REM1: variants seen among roughly 807,000 people sequenced by gnomAD.
The protein encoded by REM1 is RRAD and GEM like GTPase 1.
A neutral mutation model predicts 27.0 loss-of-function variants in REM1; 20 were observed. The observed-to-expected ratio is 0.74, with a 90% CI of 0.52 to 1.08. The LOEUF is 1.08. REM1 is among the 50% of genes least tolerant of loss of function. The pLI is 0.00. For missense variants in REM1, 405 were observed against 407.0 expected (o/e 1.00, Z 0.04); for synonymous variants, 159 against 167.9 (o/e 0.95, Z 0.41).
rs773521210 is a variant in REM1, at chr20:31,484,212, A to G, written c.679A>G (p.Thr227Ala). Residue 227 changes from threonine to alanine, a missense_variant, in exon 5 of 5, where the codon ACG becomes GCG. Physicochemically the swap from Thr to Ala is moderately conservative, Grantham distance 58 (BLOSUM62 0). Transcript: ENST00000201979. ...CTGTAAATTCATCGAGACATCCGCC[A>G]CGCTGCAGCACAATGTGGCCGAGCT... ...FDCKFIETSA[T>A]LQHNVAELFE... The G allele has an allele frequency of 5.0e-6, 8 of 1,608,382 alleles. No individual in the cohort carries two copies. The highest frequency in any genetic ancestry group is 6.8e-6 in the Non-Finnish European group (8 of 1,177,856).
intron 4 of REM1, among the ~76,000 whole-genome samples, chr20:31,483,528 A>C (rs944103253): frequency 1.3e-5 from 2 of 152,306 alleles, no homozygotes; most frequent in African/African-American, 4.8e-5. Flanking sequence ...ACAAACCAAA[A>C]TTTTAAACGT....
intron 4 of REM1, 82 bp from the exon 5 acceptor site, chr20:31,484,077 G>T: frequency 7.1e-7 from 1 of 1,410,424 alleles, no homozygotes; most frequent in South Asian, 1.5e-5. Context: ...GCTTCCAATC[G>T]AGACTAAACA....
chr20:31,476,721 G>C lies in REM1; in HGVS notation c.276G>C (p.Gly92=), dbSNP rs768343178. The C allele has an allele frequency of 5.6e-6, 9 of 1,614,036 alleles. No homozygotes were observed. The East Asian group carries it at 2.0e-4, about 36-fold the overall frequency. ...TGCTACTTGGAGATCCTGGAGTGGGGAAGACCAGCTTGGCCAGCCTCTTTG... is the reference window on the plus strand; with the variant it reads ...TGCTACTTGGAGATCCTGGAGTGGGCAAGACCAGCTTGGCCAGCCTCTTTG... ...RVVLLGDPGV[G]KTSLASLFAG... The change falls in exon 2 of 5, where the codon GGG becomes GGC. Residue 92 remains glycine, a synonymous_variant. Coordinates refer to ENST00000201979, the MANE Select transcript of REM1 (RefSeq NM_014012.6).
intron 3 of REM1, among the ~76,000 whole-genome samples, chr20:31,480,840 T>C (rs1391961183): frequency 6.6e-6 from 1 of 152,212 alleles, no homozygotes; most frequent in Non-Finnish European, 1.5e-5. Flanking sequence ...CCCACATCTG[T>C]CTGACTCACC....
In REM1 at chr20:31,484,309, G is replaced by A. The variant is rs752804472; in HGVS notation, c.776G>A (p.Arg259Gln). 9 of 1,578,824 alleles carry A rather than the reference G, an allele frequency of 5.7e-6. No individual in the cohort carries two copies. In the South Asian group the frequency reaches 1.0e-4, roughly 18 times the overall value. The part of the protein sequence containing the change: ...DSAAKEPPAP[R>Q]RPASLAQRAR... ...GCGGCCAAGGAACCCCCAGCACCCC[G>A]ACGGCCGGCCAGCCTAGCCCAGCGC... is the stretch of plus-strand genomic sequence containing the variant. Residue 259 changes from arginine (R) to glutamine (Q), a missense_variant, in exon 5 of 5, where the codon CGA becomes CAA. Physicochemically the swap from Arg to Gln is conservative, Grantham distance 43 (BLOSUM62 1). Coordinates refer to ENST00000201979, the MANE Select transcript of REM1 (RefSeq NM_014012.6).
chr20:31,476,746 G>C lies in REM1; in HGVS notation c.301G>C (p.Ala101Pro), dbSNP rs773658231. 1 of 1,613,458 alleles carries C rather than the reference G, an allele frequency of 6.2e-7. No homozygotes were observed. The highest frequency in any genetic ancestry group is 8.5e-7 in the Non-Finnish European group (1 of 1,179,748). ...GAAGACCAGCTTGGCCAGCCTCTTT[G>C]CAGGGAAGCAAGAGAGGGACCTCCA... The part of the protein sequence containing the change: ...VGKTSLASLF[A>P]GKQERDLHEQ... The change falls in exon 2 of 5, where the codon GCA becomes CCA. Residue 101 changes from alanine (A) to proline (P), a missense_variant. Physicochemically the swap from Ala to Pro is conservative, Grantham distance 27. Transcript: ENST00000201979.
intron 4 of REM1, among the ~76,000 whole-genome samples, chr20:31,483,191 T>C (rs767776703): frequency 2.6e-5 from 4 of 152,160 alleles, no homozygotes; most frequent in African/African-American, 9.7e-5. Context: ...TCCCAGCTAC[T>C]TGGGCAGCTG....
rs1387105612 is a variant in REM1, at chr20:31,479,606, G to A, written c.423+1696G>A. 3.3e-5 allele frequency among the ~76,000 whole-genome samples: 5 copies of A among 152,168 alleles called. No homozygotes were observed. The East Asian group carries it at 9.6e-4, about 29-fold the overall frequency. On this transcript the variant is annotated intron_variant, in intron 3 of 4. Coordinates refer to ENST00000201979, the MANE Select transcript of REM1 (RefSeq NM_014012.6). ...AACTGAACTAGTTTCCCTGATCGGT[G>A]ACTGTGAAGAGAGGTCTCAAAGAGG...
At chr20:31,480,354 C>T (rs188165579) in intron 3 of REM1, among the ~76,000 whole-genome samples, 15 of 152,016 alleles carry the variant, frequency 9.9e-5, no homozygotes, top group African/African-American at 2.7e-4. Context: ...GATGGAGTCT[C>T]GCCCTGTCAC....
Position 31,477,864 on chromosome 20 carries a change from A to G in REM1, c.377A>G (p.Glu126Gly). 6.2e-7 allele frequency: 1 copy of G among 1,613,084 alleles called. No individual in the cohort carries two copies. The highest frequency in any genetic ancestry group is 1.1e-5 in the South Asian group (1 of 90,880). Residue 126 changes from glutamate (E) to glycine (G), a missense_variant, in exon 3 of 5, where the codon GAA becomes GGA. Glu to Gly is a moderately conservative substitution (Grantham distance 98). Transcript: ENST00000201979. ...VYERTLTVDGEDTTLVVVDTW... is the reference protein window; with the variant it reads ...VYERTLTVDGGDTTLVVVDTW... ...GAGAGGACCCTCACGGTGGATGGAGAAGACACCACACTGGTGGTCGTGGAC... is the reference window on the plus strand; with the variant it reads ...GAGAGGACCCTCACGGTGGATGGAGGAGACACCACACTGGTGGTCGTGGAC...
chr20:31,484,267 T>A lies in REM1; in HGVS notation c.734T>A (p.Leu245Ter). The A allele has an allele frequency of 6.3e-7, 1 of 1,598,096 alleles. No individual in the cohort carries two copies. Among genetic ancestry groups the A allele is most frequent in the Non-Finnish European group, 8.5e-7 (1 of 1,173,586 alleles). ...LFEGVVRQLR[L>*]RRRDSAAKEP... ...GAGGGCGTGGTGCGCCAACTGCGCT[T>A]GCGCCGCCGGGACAGTGCGGCCAAG... is the stretch of plus-strand genomic sequence containing the variant. Residue 245 changes from leucine (L) to a stop codon, truncating the protein, a stop_gained, in exon 5 of 5, where the codon TTG (leucine) becomes TAG (stop). Transcript: ENST00000201979. LOFTEE classifies it high-confidence loss of function.
In REM1 at chr20:31,475,798, A is replaced by G. The variant is rs1327371406; in HGVS notation, c.-219-429A>G. On this transcript the variant is annotated intron_variant, in intron 1 of 4. Coordinates refer to ENST00000201979, the MANE Select transcript of REM1 (RefSeq NM_014012.6). The surrounding 1 kb of genome is among the most constrained non-coding windows in gnomAD (Gnocchi z 5.0). ...TCAGACACGCGGTTCCCATGGCACTAGGGCACTCGGGTTACAGTCGGGTTA... is the reference window on the plus strand; with the variant it reads ...TCAGACACGCGGTTCCCATGGCACTGGGGCACTCGGGTTACAGTCGGGTTA... 6.6e-6 allele frequency among the ~76,000 whole-genome samples: 1 copy of G among 152,210 alleles called. No homozygotes were observed. Among genetic ancestry groups the G allele is most frequent in the Non-Finnish European group, 1.5e-5 (1 of 68,024 alleles).
At chr20:31,480,228 TAG>T (rs1291751741) in intron 3 of REM1, among the ~76,000 whole-genome samples, 5 of 121,066 alleles carry the variant, frequency 4.1e-5, no homozygotes, top group African/African-American at 1.9e-4. Context: ...GATAGATAGA[TAG>T]ACAGATACAT....
intron 3 of REM1, among the ~76,000 whole-genome samples, chr20:31,480,212 T>C (rs1253294649): frequency 7.3e-6 from 1 of 136,660 alleles, no homozygotes; most frequent in Admixed American, 7.7e-5. Flanking sequence ...GATAGATAGA[T>C]AGATAGATAG....
chr20:31,476,352 T>C lies in REM1; in HGVS notation c.-94T>C, dbSNP rs1435100653. ...GCCATACAGCAGCTCATCAGGACACTATAGAAAGAAGCAGCTCAAAGCAAT... is the reference window on the plus strand; with the variant it reads ...GCCATACAGCAGCTCATCAGGACACCATAGAAAGAAGCAGCTCAAAGCAAT... On this transcript the variant is annotated 5_prime_UTR_variant, in exon 2 of 5. Coordinates refer to ENST00000201979, the MANE Select transcript of REM1 (RefSeq NM_014012.6). The C allele has an allele frequency of 3.0e-6, 3 of 1,016,370 alleles. No individual in the cohort carries two copies. The highest frequency in any genetic ancestry group is 2.3e-5 in the Admixed American group (1 of 43,286). The allele number at this position is 1,016,370 out of a possible 1,614,324, so 63.0% of individuals were successfully genotyped here. A position where few individuals can be genotyped will look rare whatever the true frequency, so the allele number is the denominator to read the frequency against.
In REM1 at chr20:31,476,575, C is replaced by A. The variant is rs746750334; in HGVS notation, c.130C>A (p.Pro44Thr). Residue 44 changes from proline (P) to threonine (T), a missense_variant, in exon 2 of 5, where the codon CCC becomes ACC. Pro to Thr is a conservative substitution (Grantham distance 38). Transcript: ENST00000201979. ...AGTGCCTTCCACTCAATCCCAGCAT[C>A]CCCGGCTGGGCCAATCAGCCTCCCT... ...STVPSTQSQH[P>T]RLGQSASLNP... 3 of 1,614,188 alleles carry A rather than the reference C, an allele frequency of 1.9e-6. No homozygotes were observed. The highest frequency in any genetic ancestry group is 2.2e-5 in the South Asian group (2 of 91,084).
chr20:31,479,746 C>T (rs1162817121), intron 3 of REM1, among the ~76,000 whole-genome samples: 4 of 152,080 alleles, frequency 2.6e-5, no homozygotes, highest in Non-Finnish European at 5.9e-5. Context: ...GCCTTAGGAC[C>T]TTAGTGTACC....
chr20:31,482,361 A>G lies in REM1; in HGVS notation c.498A>G (p.Arg166=). The change falls in exon 4 of 5, where the codon CGA becomes CGG. Residue 166 remains arginine (R), a synonymous_variant. Coordinates refer to ENST00000201979, the MANE Select transcript of REM1 (RefSeq NM_014012.6). The part of the protein sequence containing the change: ...AYVIVYSIAD[R]GSFESASELR... Reference sequence around the variant, plus strand: ...TCATCGTATACTCCATCGCAGACCGAGGCAGCTTTGAGAGTGCCTCTGAGC... The same window carrying G: ...TCATCGTATACTCCATCGCAGACCGGGGCAGCTTTGAGAGTGCCTCTGAGC... 1.2e-6 allele frequency: 2 copies of G among 1,614,182 alleles called. No homozygotes were observed. Among genetic ancestry groups the G allele is most frequent in the South Asian group, 2.2e-5 (2 of 91,088 alleles).
chr20:31,481,210 T>C (rs1239150117), intron 3 of REM1, among the ~76,000 whole-genome samples: 1 of 151,948 alleles, frequency 6.6e-6, no homozygotes, highest in Non-Finnish European at 1.5e-5. Flanking sequence ...GAGGTGGAGG[T>C]TGCAGTAAGC....
Sources: allele counts gnomAD v4.1 joint callset (sites outside exome capture counted in the v4.1 genomes callset), GRCh38; gene constraint gnomAD v4.1.1; non-coding constraint Gnocchi (gnomAD v3.1); transcripts MANE v1.5; gene names NCBI Gene and HGNC (gene_info 2026-07-23, HGNC 2026-07-21).